FRMD4A: variants seen among roughly 807,000 people sequenced by gnomAD.
The protein encoded by FRMD4A is FERM domain-containing protein 4A.
FRMD4A carries 29 observed loss-of-function variants against 129.1 expected under a neutral mutation model. That is an observed-to-expected ratio of 0.22 (90% confidence interval 0.17 to 0.31). The LOEUF (loss-of-function observed/expected upper bound fraction) is 0.31. Among genes scored for constraint, FRMD4A ranks in the 10% least tolerant of loss-of-function variants. The pLI is 1.00. For missense variants in FRMD4A, 1,272 were observed against 1,375.8 expected (o/e 0.92, Z 1.19); for synonymous variants, 634 against 571.6 (o/e 1.11, Z -1.56).
intron 2 of FRMD4A, among the ~76,000 whole-genome samples, chr10:13,938,288 C>T (rs1052003470): frequency 6.6e-6 from 1 of 152,112 alleles, no homozygotes; most frequent in Non-Finnish European, 1.5e-5. Flanking sequence ...GTTGCCCAGG[C>T]TGGAGTGCAG....
intron 2 of FRMD4A, among the ~76,000 whole-genome samples, chr10:14,245,201 T>TAAGTGGCA (rs1844189034): frequency 6.6e-6 from 1 of 152,148 alleles, no homozygotes; most frequent in Admixed American, 6.5e-5. Context: ...CTGCTTGGGC[T>TAAGTGGCA]GGGATCAGTG....
chr10:13,796,409 T>C lies in FRMD4A; in HGVS notation c.299+87A>G, dbSNP rs192144518. On this transcript the variant is annotated intron_variant, in intron 5 of 24. Transcript: ENST00000357447. ...GCAATGAACCAAGACAAACTTGAGC[T>C]CTCTTTCCTTGGAATCACTCTGCCC... 579 of 746,640 alleles carry C rather than the reference T, an allele frequency of 7.8e-4. 3 individuals carry two copies. In the African/African-American group the frequency reaches 8.7e-3, roughly 11 times the overall value. The allele number at this position is 746,640 out of a possible 1,614,324, so 46.3% of individuals were successfully genotyped here. A position where few individuals can be genotyped will look rare whatever the true frequency, so the allele number is the denominator to read the frequency against.
intron 2 of FRMD4A, among the ~76,000 whole-genome samples, chr10:14,175,179 C>T (rs1168883260): frequency 1.3e-5 from 2 of 152,190 alleles, no homozygotes; most frequent in African/African-American, 2.4e-5. Flanking sequence ...TATGCCATCA[C>T]CAAGGGGCCA....
intron 2 of FRMD4A, among the ~76,000 whole-genome samples, chr10:13,870,227 G>T (rs979384976): frequency 6.6e-6 from 1 of 152,260 alleles, no homozygotes; most frequent in African/African-American, 2.4e-5. Flanking sequence ...TGGGTGCAGA[G>T]TGAGATTCTT....
intron 2 of FRMD4A, among the ~76,000 whole-genome samples, chr10:13,881,252 TA>T (rs3032918): frequency 0.85 from 102,811 of 120,292 alleles, 44,394 homozygotes; most frequent in Non-Finnish European, 0.93. Context: ...CCCCCATCTC[TA>T]AAAAAAAAAA....
intron 2 of FRMD4A, among the ~76,000 whole-genome samples, chr10:14,226,499 A>G (rs1170195903): frequency 1.3e-5 from 2 of 152,216 alleles, no homozygotes; most frequent in Non-Finnish European, 2.9e-5. Context: ...GAAATGCAAA[A>G]GCAAGGTTTT....
At chr10:14,276,439 T>C (rs1845343447) in intron 2 of FRMD4A, among the ~76,000 whole-genome samples, 1 of 152,230 alleles carries the variant, frequency 6.6e-6, no homozygotes. Flanking sequence ...TTTGCTTTAC[T>C]CCTGCCTCTC....
chr10:13,804,950 G>C (rs1401076573), intron 4 of FRMD4A, among the ~76,000 whole-genome samples: 1 of 152,080 alleles, frequency 6.6e-6, no homozygotes, highest in Non-Finnish European at 1.5e-5. Flanking sequence ...TCTGCTGAAA[G>C]AAAAGATCCT....
chr10:13,682,408 G>A (rs565765359), intron 15 of FRMD4A, among the ~76,000 whole-genome samples: 1 of 151,826 alleles, frequency 6.6e-6, no homozygotes, highest in Non-Finnish European at 1.5e-5. Context: ...GTAAGGAAAT[G>A]AGTTTTTAGA....
intron 21 of FRMD4A, among the ~76,000 whole-genome samples, chr10:13,658,839 G>A (rs906840407): frequency 9.1e-5 from 13 of 143,180 alleles, no homozygotes; most frequent in African/African-American, 2.6e-4. Flanking sequence ...CCAAGATCGC[G>A]CCACTGTACT....
intron 2 of FRMD4A, among the ~76,000 whole-genome samples, chr10:13,992,334 T>C (rs1478239715): frequency 6.6e-6 from 1 of 152,232 alleles, no homozygotes; most frequent in Admixed American, 6.5e-5. Context: ...TGTTTCTTGA[T>C]TCTCCAGCTA....
At chr10:13,897,602 G>A (rs1281320636) in intron 2 of FRMD4A, among the ~76,000 whole-genome samples, 1 of 152,158 alleles carries the variant, frequency 6.6e-6, no homozygotes, top group East Asian at 1.9e-4. Flanking sequence ...CCTGTGAGTT[G>A]GGAGCTAAAT....
intron 2 of FRMD4A, among the ~76,000 whole-genome samples, chr10:14,167,637 G>A (rs753361352): frequency 4.0e-5 from 6 of 151,588 alleles, no homozygotes; most frequent in Admixed American, 1.3e-4. Flanking sequence ...GGATAAATAC[G>A]TGGGGGCTTA....
chr10:14,185,598 G>C (rs141378777), intron 2 of FRMD4A, among the ~76,000 whole-genome samples: 2 of 146,290 alleles, frequency 1.4e-5, no homozygotes, highest in Non-Finnish European at 3.0e-5. Context: ...AAGAGAAACA[G>C]GTAGAGAGAC....
At chr10:14,124,998 A>AT (rs1022446985) in intron 2 of FRMD4A, among the ~76,000 whole-genome samples, 9 of 152,158 alleles carry the variant, frequency 5.9e-5, no homozygotes, top group African/African-American at 2.2e-4. Flanking sequence ...GACAACGTCA[A>AT]TTTTTCAGTG....
At chr10:14,104,674 G>A (rs1238961008) in intron 2 of FRMD4A, among the ~76,000 whole-genome samples, 2 of 152,200 alleles carry the variant, frequency 1.3e-5, no homozygotes, top group South Asian at 4.1e-4. Context: ...TGGTCTCCAC[G>A]AGCCAGTCCT....
At chr10:14,267,130 A>G (rs765699837) in intron 2 of FRMD4A, among the ~76,000 whole-genome samples, 1 of 152,218 alleles carries the variant, frequency 6.6e-6, no homozygotes, top group Non-Finnish European at 1.5e-5. Flanking sequence ...CTACAAATAG[A>G]GTCTATGGCT....
intron 2 of FRMD4A, among the ~76,000 whole-genome samples, chr10:14,170,574 G>C (rs1170129922): frequency 6.6e-6 from 1 of 152,200 alleles, no homozygotes; most frequent in African/African-American, 2.4e-5. Flanking sequence ...TGTAAACTGA[G>C]AGCAGGTGTT....
chr10:13,879,498 G>A (rs1172473165), intron 2 of FRMD4A, among the ~76,000 whole-genome samples: 1 of 152,066 alleles, frequency 6.6e-6, no homozygotes, highest in African/African-American at 2.4e-5. Context: ...GGGCAGCAGG[G>A]TGATACCCCA....
Sources: allele counts gnomAD v4.1 joint callset (sites outside exome capture counted in the v4.1 genomes callset), GRCh38; gene constraint gnomAD v4.1.1; transcripts MANE v1.5; gene names NCBI Gene and HGNC (gene_info 2026-07-23, HGNC 2026-07-21).